Variants in KIAA0040 observed in about 807,000 individuals in gnomAD.
KIAA0040 encodes KIAA0040.
KIAA0040 carries 10 observed loss-of-function variants against 7.2 expected under a neutral mutation model. The observed-to-expected ratio is 1.38, with a 90% confidence interval of 0.85 to 2.34. KIAA0040 has a LOEUF of 2.34. Ranked by LOEUF, KIAA0040 falls within the 30% of genes most tolerant of loss-of-function variation. The probability of loss-of-function intolerance (pLI) is 0.00; values close to 1 mark genes in which losing one functional copy is unlikely to be tolerated. For synonymous variants in KIAA0040, 49 were observed against 40.1 expected (o/e 1.22, Z -0.84); for missense variants, 89 against 108.2 (o/e 0.82, Z 0.79).
At chr1:175,187,743 C>A (rs369645307) in intron 1 of KIAA0040, among the ~76,000 whole-genome samples, 1 of 85,034 alleles carries the variant, frequency 1.2e-5, no homozygotes, top group Non-Finnish European at 2.9e-5. Context: ...TCTTTCCCTG[C>A]CCCTACACCA....
At chr1:175,168,430 T>C (rs1676858473) in intron 2 of KIAA0040, among the ~76,000 whole-genome samples, 1 of 152,148 alleles carries the variant, frequency 6.6e-6, no homozygotes, top group South Asian at 2.1e-4. Context: ...AGATATTCAG[T>C]ATTAAAGGAA....
chr1:175,181,407 A>G (rs1395856257), intron 1 of KIAA0040, among the ~76,000 whole-genome samples: 1 of 152,176 alleles, frequency 6.6e-6, no homozygotes, highest in African/African-American at 2.4e-5. Context: ...TCTCTGCTGT[A>G]CAGCAGCAAA....
chr1:175,168,903 C>G (rs1252158557), intron 2 of KIAA0040, among the ~76,000 whole-genome samples: 1 of 152,192 alleles, frequency 6.6e-6, no homozygotes. Context: ...AATCTTCTCC[C>G]GGGCCCTCCC....
chr1:175,183,845 G>A (rs1297006356), intron 1 of KIAA0040, among the ~76,000 whole-genome samples: 1 of 152,228 alleles, frequency 6.6e-6, no homozygotes, highest in Admixed American at 6.5e-5. Flanking sequence ...GTGGTAGGTG[G>A]TAGGTCCTTG....
intron 1 of KIAA0040, among the ~76,000 whole-genome samples, chr1:175,184,239 G>C (rs1318983224): frequency 6.6e-6 from 1 of 152,176 alleles, no homozygotes; most frequent in East Asian, 1.9e-4. Flanking sequence ...AGTCTTTGAA[G>C]CAATAACAAA....
chr1:175,167,889 CT>C (rs368297465), intron 2 of KIAA0040, among the ~76,000 whole-genome samples: 4,357 of 147,284 alleles, frequency 0.03, 205 homozygotes, highest in African/African-American at 0.096. Flanking sequence ...TATGTATATT[CT>C]TTTTTTTTTT....
At chr1:175,183,123 T>A (rs1023787579) in intron 1 of KIAA0040, among the ~76,000 whole-genome samples, 1 of 152,194 alleles carries the variant, frequency 6.6e-6, no homozygotes, top group African/African-American at 2.4e-5. Context: ...AGCGCGGAGA[T>A]ATCATAGTTG....
chr1:175,185,775 T>C (rs1677634148), intron 1 of KIAA0040, among the ~76,000 whole-genome samples: 1 of 152,046 alleles, frequency 6.6e-6, no homozygotes, highest in South Asian at 2.1e-4. Flanking sequence ...AGCCACAAGG[T>C]GGAAACAACA....
intron 3 of KIAA0040, 139 bp from the exon 4 acceptor site, chr1:175,161,285 TAAAC>T: frequency 2.9e-6 from 1 of 349,552 alleles, no homozygotes; most frequent in Non-Finnish European, 5.2e-6. Context: ...ATTGACTCAA[TAAAC>T]AAGATAAATG....
At chr1:175,167,764 G>A (rs960688146) in intron 2 of KIAA0040, among the ~76,000 whole-genome samples, 2 of 152,170 alleles carry the variant, frequency 1.3e-5, no homozygotes, top group Non-Finnish European at 2.9e-5. Flanking sequence ...TTTTCCAGCA[G>A]ATATGGGTGG....
rs2101882256 is a variant in KIAA0040, at chr1:175,166,549, G to C, written c.-134+13C>G. On this transcript the variant is annotated intron_variant, in intron 3 of 3. Transcript: ENST00000423313. ...GAAGAATCATGGGTGAGGAGACGGG[G>C]GATGAAGTTTACCTCCACACACAGC... is the stretch of plus-strand genomic sequence containing the variant. 6.6e-6 allele frequency: 1 copy of C among 152,304 alleles called. No individual in the cohort carries two copies. The highest frequency in any genetic ancestry group is 1.9e-4 in the East Asian group (1 of 5,180). 9.4% of individuals were successfully genotyped at this position (152,304 alleles called of 1,614,324 possible). A position where few individuals can be genotyped will look rare whatever the true frequency, so the allele number is the denominator to read the frequency against.
intron 2 of KIAA0040, among the ~76,000 whole-genome samples, chr1:175,175,971 A>C (rs887666128): frequency 2.6e-5 from 4 of 152,222 alleles, no homozygotes. Flanking sequence ...ACATGTATAC[A>C]TATGTAACAA....
At chr1:175,187,114 G>A (rs1056085038) in intron 1 of KIAA0040, among the ~76,000 whole-genome samples, 15 of 152,290 alleles carry the variant, frequency 9.8e-5, no homozygotes, top group African/African-American at 3.1e-4. Flanking sequence ...GGCCTTAAGA[G>A]TAACTTATTC....
At position 175,175,137 on chromosome 1, in the gene KIAA0040, T is replaced by C. The variant is rs115713577; in HGVS notation, c.-310+2474A>G. ...AATAACTGATGCTTAAGTGTTCAAATGTCATATCCTCTTGGAGGGAAAAAA... is the reference window on the plus strand; with the variant it reads ...AATAACTGATGCTTAAGTGTTCAAACGTCATATCCTCTTGGAGGGAAAAAA... On this transcript the variant is annotated intron_variant, in intron 2 of 3. Transcript: ENST00000423313. 3.5e-3 allele frequency among the ~76,000 whole-genome samples: 539 copies of C among 152,318 alleles called. 3 individuals are homozygous for C. The highest frequency in any genetic ancestry group is 0.012 in the African/African-American group (514 of 41,564).
At chr1:175,177,189 C>T (rs1319574766) in intron 2 of KIAA0040, among the ~76,000 whole-genome samples, 1 of 152,220 alleles carries the variant, frequency 6.6e-6, no homozygotes, top group Non-Finnish European at 1.5e-5. Context: ...TGCAGGCCGA[C>T]CACCAGACTT....
At chr1:175,182,299 C>T (rs1040356886) in intron 1 of KIAA0040, among the ~76,000 whole-genome samples, 5 of 152,164 alleles carry the variant, frequency 3.3e-5, no homozygotes, top group Admixed American at 2.6e-4. Flanking sequence ...TCACCCTCAC[C>T]CCAACTACAT....
Position 175,157,476 on chromosome 1 carries a change from T to C in KIAA0040, c.*3238A>G, listed in dbSNP as rs565592022. 4 of 152,370 alleles carry C rather than the reference T, an allele frequency of 2.6e-5. No homozygotes were observed. The South Asian group carries it at 8.3e-4, about 32-fold the overall frequency. 9.4% of individuals were successfully genotyped at this position (152,370 alleles called of 1,614,324 possible). On this transcript the variant is annotated 3_prime_UTR_variant, in exon 4 of 4. Coordinates refer to ENST00000423313, the MANE Select transcript of KIAA0040 (RefSeq NM_014656.3). ...CCCTGCATTGATCATTTCTGAGTGATGTCTGAGTGGGGGTAATACCTAATG... is the reference window on the plus strand; with the variant it reads ...CCCTGCATTGATCATTTCTGAGTGACGTCTGAGTGGGGGTAATACCTAATG...
At chr1:175,189,617 C>G (rs1677793783) in intron 1 of KIAA0040, among the ~76,000 whole-genome samples, 1 of 152,196 alleles carries the variant, frequency 6.6e-6, no homozygotes, top group African/African-American at 2.4e-5. Context: ...AGGAAAGCTG[C>G]AAGTCTGGGC....
At chr1:175,184,732 G>C (rs1558401198) in intron 1 of KIAA0040, among the ~76,000 whole-genome samples, 1 of 152,136 alleles carries the variant, frequency 6.6e-6, no homozygotes, top group Admixed American at 6.5e-5. Flanking sequence ...CATTACCAAG[G>C]GCCCCACAGG....
Sources: gnomAD v4.1 joint callset for allele counts (sites outside exome capture counted in the v4.1 genomes callset) on GRCh38, gnomAD v4.1.1 for gene constraint, MANE v1.5 for transcripts, NCBI Gene and HGNC (gene_info 2026-07-23, HGNC 2026-07-21) for gene names.